Variants in GPATCH1 observed in about 807,000 individuals in gnomAD.
GPATCH1 encodes the protein G-patch domain containing 1.
A neutral mutation model predicts 114.9 loss-of-function variants in GPATCH1; 73 were observed. The observed-to-expected ratio is 0.64, with a 90% CI of 0.53 to 0.77. The LOEUF (loss-of-function observed/expected upper bound fraction) is 0.77, where lower values mean the gene tolerates loss of function less well. Ranked by LOEUF, GPATCH1 falls within the 30% of genes least tolerant of loss-of-function variation. The probability of loss-of-function intolerance (pLI) is 0.00; values close to 1 mark genes in which losing one functional copy is unlikely to be tolerated. For missense variants in GPATCH1, 1,058 were observed against 1,144.3 expected (o/e 0.92, Z 1.09); for synonymous variants, 391 against 428.4 (o/e 0.91, Z 1.08).
At chr19:33,116,682 A>T (rs563959778) in intron 15 of GPATCH1, among the ~76,000 whole-genome samples, 1 of 152,194 alleles carries the variant, frequency 6.6e-6, no homozygotes, top group South Asian at 2.1e-4. Flanking sequence ...GGCGCCCGCC[A>T]CCACGCCTGG....
intron 15 of GPATCH1, among the ~76,000 whole-genome samples, 167 bp downstream of exon 15, chr19:33,114,586 G>A (rs1395316313): frequency 3.3e-5 from 5 of 152,124 alleles, no homozygotes; most frequent in East Asian, 1.9e-4. Context: ...AACAAGTAAA[G>A]CTGCTGGGAG....
intron 1 of GPATCH1, among the ~76,000 whole-genome samples, chr19:33,082,868 A>G (rs1972493364): frequency 6.6e-6 from 1 of 152,052 alleles, no homozygotes; most frequent in Admixed American, 6.6e-5. Flanking sequence ...CCTGACCTCA[A>G]GCGATGCTCT....
intron 9 of GPATCH1, among the ~76,000 whole-genome samples, chr19:33,102,027 C>CAAAA (rs563794335): frequency 1.1e-5 from 1 of 92,278 alleles, no homozygotes; most frequent in Admixed American, 1.2e-4. Flanking sequence ...AACTCTGTCT[C>CAAAA]AAAAAAAAAA....
intron 19 of GPATCH1, among the ~76,000 whole-genome samples, chr19:33,128,254 A>AT (rs1973065012): frequency 6.6e-6 from 1 of 151,172 alleles, no homozygotes; most frequent in Admixed American, 6.6e-5. Context: ...CACCCAGCTA[A>AT]TTTTTTTAAA....
At chr19:33,112,967 A>C (rs1303108614) in intron 13 of GPATCH1, 2 of 177,128 alleles carry the variant, frequency 1.1e-5, no homozygotes, top group African/African-American at 4.8e-5. Flanking sequence ...AAAGTTAAAC[A>C]CTTTCTTATT....
chr19:33,099,805 T>C (rs1433978533), intron 8 of GPATCH1, among the ~76,000 whole-genome samples: 1 of 147,426 alleles, frequency 6.8e-6, no homozygotes, highest in African/African-American at 2.5e-5. Context: ...AATTTCCCTC[T>C]TGTTGCCCAG....
intron 2 of GPATCH1, among the ~76,000 whole-genome samples, chr19:33,089,751 G>GC (rs1972574211): frequency 6.6e-6 from 1 of 151,674 alleles, no homozygotes; most frequent in Non-Finnish European, 1.5e-5. Flanking sequence ...CTCCCGAGTA[G>GC]CTAGGACTAC....
chr19:33,108,225 G>A (rs983573684), intron 10 of GPATCH1, among the ~76,000 whole-genome samples: 4 of 151,862 alleles, frequency 2.6e-5, no homozygotes, highest in Admixed American at 6.6e-5. Flanking sequence ...TCCATCTCCC[G>A]TAGACTGTTC....
In GPATCH1 at chr19:33,117,811, C is replaced by T. The variant is rs755521509; in HGVS notation, c.2197-14C>T. 1.3e-6 allele frequency: 2 copies of T among 1,589,504 alleles called. No individual in the cohort carries two copies. The highest frequency in any genetic ancestry group is 1.3e-5 in the African/African-American group (1 of 74,600). Reference sequence around the variant, plus strand: ...GCCTCTGTATCCCTGACTCTTATTTCACTGTCAATACAGACCGTCAACAAA... The same window carrying T: ...GCCTCTGTATCCCTGACTCTTATTTTACTGTCAATACAGACCGTCAACAAA... On this transcript the variant is annotated splice_polypyrimidine_tract_variant and intron_variant, in intron 15 of 19. Transcript: ENST00000170564.
chr19:33,095,549 C>T (rs1413561328), intron 5 of GPATCH1, among the ~76,000 whole-genome samples: 1 of 151,810 alleles, frequency 6.6e-6, no homozygotes, highest in Non-Finnish European at 1.5e-5. Flanking sequence ...AGGCATGAGC[C>T]GCTGCGCCCA....
In GPATCH1 at chr19:33,103,519, G is replaced by A. The variant is rs146007356; in HGVS notation, c.1080+1945G>A. 2.2e-3 allele frequency among the ~76,000 whole-genome samples: 333 copies of A among 152,200 alleles called. 1 individual carries two copies. Among genetic ancestry groups the A allele is most frequent in the African/African-American group, 7.4e-3 (308 of 41,516 alleles). ...AGTTCGAGACCAACCTGGCCAACATGGCGAAACCCCACCTCTACTAAAAAT... is the reference window on the plus strand; with the variant it reads ...AGTTCGAGACCAACCTGGCCAACATAGCGAAACCCCACCTCTACTAAAAAT... On this transcript the variant is annotated intron_variant, in intron 9 of 19. Coordinates refer to ENST00000170564, the MANE Select transcript of GPATCH1 (RefSeq NM_018025.3).
At chr19:33,114,797 C>CTTTTTTTTTT (rs546074419) in intron 15 of GPATCH1, among the ~76,000 whole-genome samples, 26 of 87,198 alleles carry the variant, frequency 3.0e-4, no homozygotes, top group Admixed American at 4.9e-4. Flanking sequence ...CTATTTCTCT[C>CTTTTTTTTTT]TTTTTTTTTT....
At position 33,107,958 on chromosome 19, in the gene GPATCH1, G is replaced by T. The variant is rs577522925; in HGVS notation, c.1285+1059G>T. Among the ~76,000 whole-genome samples the T allele has an allele frequency of 4.0e-5, 6 of 151,630 alleles. No homozygotes were observed. In the East Asian group the frequency reaches 1.2e-3, roughly 29 times the overall value. On this transcript the variant is annotated intron_variant, in intron 10 of 19. Transcript: ENST00000170564. The stretch of plus-strand genomic sequence containing the variant: ...GTTCGTGTGCTGCACCTATTAACTC[G>T]TCATTTACATAAGGTATATCTCCTA...
chr19:33,086,588 C>T (rs540321854), intron 1 of GPATCH1, among the ~76,000 whole-genome samples: 1 of 152,058 alleles, frequency 6.6e-6, no homozygotes, highest in Non-Finnish European at 1.5e-5. Context: ...GCCTCAGCCT[C>T]CCGAGTAGTT....
At chr19:33,119,863 T>C (rs554045450) in intron 17 of GPATCH1, among the ~76,000 whole-genome samples, 1 of 148,672 alleles carries the variant, frequency 6.7e-6, no homozygotes, top group South Asian at 2.1e-4. Flanking sequence ...CTACTATAAT[T>C]TTTATAAAAA....
At position 33,090,975 on chromosome 19, in the gene GPATCH1, T is replaced by C. The variant is rs939980440; in HGVS notation, c.294+110T>C. 2.6e-5 allele frequency: 18 copies of C among 685,042 alleles called. No individual in the cohort carries two copies. The East Asian group carries it at 3.8e-4, about 14-fold the overall frequency. The allele number at this position is 685,042 out of a possible 1,614,324, so 42.4% of individuals were successfully genotyped here. ...GTCCAATGTACGATTTCCTCTTTGTTTGTAAGGCTTTATCTTTTAGGTATT... is the reference window on the plus strand; with the variant it reads ...GTCCAATGTACGATTTCCTCTTTGTCTGTAAGGCTTTATCTTTTAGGTATT... On this transcript the variant is annotated intron_variant, in intron 3 of 19. Coordinates refer to ENST00000170564, the MANE Select transcript of GPATCH1 (RefSeq NM_018025.3).
intron 17 of GPATCH1, among the ~76,000 whole-genome samples, chr19:33,124,705 G>A (rs981520606): frequency 4.6e-5 from 7 of 152,148 alleles, no homozygotes; most frequent in Non-Finnish European, 1.0e-4. Context: ...GCGTGGGAGA[G>A]GTTAGGCGAC....
At chr19:33,114,072 G>A (rs1267414702) in intron 14 of GPATCH1, among the ~76,000 whole-genome samples, 169 bp downstream of exon 14, 1 of 152,164 alleles carries the variant, frequency 6.6e-6, no homozygotes, top group Non-Finnish European at 1.5e-5. Flanking sequence ...TAATGGTCCA[G>A]ATGTTTACTC....
chr19:33,093,217 C>T, intron 3 of GPATCH1, 142 bp from the exon 4 acceptor site: 1 of 527,144 alleles, frequency 1.9e-6, no homozygotes, highest in Non-Finnish European at 3.3e-6. Context: ...AAAATAAAGT[C>T]AGTGTGTATG....
Sources: allele counts gnomAD v4.1 joint callset (sites outside exome capture counted in the v4.1 genomes callset), GRCh38; gene constraint gnomAD v4.1.1; transcripts MANE v1.5; gene names NCBI Gene and HGNC (gene_info 2026-07-23, HGNC 2026-07-21).